CARS2: variants seen among roughly 807,000 people sequenced by gnomAD.
The protein encoded by CARS2 is cysteinyl-tRNA synthetase 2, mitochondrial.
Under a neutral mutation model 68.8 loss-of-function variants are expected in CARS2, and 52 were observed. The ratio of observed to expected loss-of-function variants is 0.76; its 90% CI spans 0.61 to 0.95. The LOEUF (loss-of-function observed/expected upper bound fraction) is 0.95. CARS2 is among the 40% of genes least tolerant of loss of function. CARS2 has a pLI of 0.00. For synonymous variants in CARS2, 314 were observed against 303.6 expected, an observed-to-expected ratio of 1.03 and a Z score of -0.36; for missense variants, 780 against 754.2, an observed-to-expected ratio of 1.03 and a Z score of -0.40.
intron 8 of CARS2, 59 bp downstream of exon 8, chr13:110,667,281 G>T: frequency 6.8e-7 from 1 of 1,479,336 alleles, no homozygotes; most frequent in South Asian, 1.3e-5. Context: ...CTGTTCCGCC[G>T]ACAAAGACAG....
At chr13:110,647,283 G>C in intron 10 of CARS2, 44 bp from the exon 11 acceptor site, 1 of 1,594,808 alleles carries the variant, frequency 6.3e-7, no homozygotes, top group South Asian at 1.1e-5. Context: ...CCACCATGCT[G>C]TGCCCCTGCC....
At chr13:110,667,645 A>T (rs538096627) in intron 7 of CARS2, among the ~76,000 whole-genome samples, 172 bp from the exon 8 acceptor site, 1 of 152,356 alleles carries the variant, frequency 6.6e-6, no homozygotes, top group African/African-American at 2.4e-5. Flanking sequence ...AAATCCTGTC[A>T]TCACAAGCCC....
intron 8 of CARS2, 100 bp downstream of exon 8, chr13:110,667,240 T>G (rs1298011489): frequency 8.4e-6 from 9 of 1,075,466 alleles, no homozygotes; most frequent in Middle Eastern, 2.1e-4. Flanking sequence ...CTTGACCTAT[T>G]AGCTGATCTA....
At chr13:110,648,104 C>T (rs1485786847) in intron 10 of CARS2, among the ~76,000 whole-genome samples, 5 of 152,212 alleles carry the variant, frequency 3.3e-5, no homozygotes, top group Non-Finnish European at 5.9e-5. Flanking sequence ...TGGCTTCAAG[C>T]TGGAAGCAAC....
intron 3 of CARS2, among the ~76,000 whole-genome samples, chr13:110,689,399 C>A (rs1373437043): frequency 6.6e-6 from 1 of 152,222 alleles, no homozygotes; most frequent in Non-Finnish European, 1.5e-5. Flanking sequence ...AAGCGCAACG[C>A]CACACGTGGG....
rs1361058754 is a variant in CARS2 at position 110,705,988 on chromosome 13, C to A, written c.106G>T (p.Gly36Trp). Reference protein sequence around the residue: ...WHWPAGRAASGGRGRAWLQPT... With the variant: ...WHWPAGRAASWGRGRAWLQPT... Reference sequence around the variant, plus strand: ...TGCAGCCAGGCCCGCCCGCGCCCCCCGCTCGCCGCCCGGCCCGCAGGCCAG... The same window carrying A: ...TGCAGCCAGGCCCGCCCGCGCCCCCAGCTCGCCGCCCGGCCCGCAGGCCAG... Residue 36 changes from glycine (G) to tryptophan (W), a missense_variant, in exon 1 of 15, where the codon GGG (glycine) becomes TGG (tryptophan). Transcript: ENST00000257347. The surrounding 1 kb of genome is among the most constrained non-coding windows in gnomAD (Gnocchi z 4.0). 2.7e-6 allele frequency: 4 copies of A among 1,504,260 alleles called. No individual in the cohort carries two copies. The highest frequency in any genetic ancestry group is 5.3e-5 in the East Asian group (2 of 37,542). 93.2% of individuals were successfully genotyped at this position (1,504,260 alleles called of 1,614,324 possible). A position where few individuals can be genotyped will look rare whatever the true frequency, so the allele number is the denominator to read the frequency against.
intron 10 of CARS2, among the ~76,000 whole-genome samples, chr13:110,650,052 T>C (rs1003896045): frequency 6.7e-6 from 1 of 149,454 alleles, no homozygotes; most frequent in African/African-American, 2.5e-5. Context: ...TTCTCCTGCC[T>C]CAGCCTCCTG....
chr13:110,664,086 A>G (rs1594285663), intron 8 of CARS2: 1 of 786,896 alleles, frequency 1.3e-6, no homozygotes, highest in East Asian at 1.4e-4. Context: ...AAACTCATTT[A>G]AGGAACTCCT....
intron 3 of CARS2, among the ~76,000 whole-genome samples, chr13:110,698,776 G>A (rs1490444994): frequency 4.6e-5 from 7 of 152,248 alleles, no homozygotes; most frequent in African/African-American, 1.7e-4. Context: ...GGCCGAGGCA[G>A]GAGGATTGCT....
At chr13:110,683,196 C>A (rs1208297249) in intron 5 of CARS2, 62 bp from the exon 6 acceptor site, 3 of 1,098,576 alleles carry the variant, frequency 2.7e-6, no homozygotes, top group Non-Finnish European at 3.9e-6. Context: ...ATATTGACAA[C>A]CTTAACATCT....
intron 7 of CARS2, among the ~76,000 whole-genome samples, chr13:110,671,094 T>C (rs985048135): frequency 6.6e-6 from 1 of 152,064 alleles, no homozygotes; most frequent in Non-Finnish European, 1.5e-5. Context: ...CTGATTGGTG[T>C]ACCTGAAAGT....
At chr13:110,695,364 T>A (rs1268704730) in intron 3 of CARS2, among the ~76,000 whole-genome samples, 1 of 152,192 alleles carries the variant, frequency 6.6e-6, no homozygotes, top group Non-Finnish European at 1.5e-5. Context: ...TTGTATTAGT[T>A]ATTAAAAGTA....
rs966016294 is a variant in CARS2, at chr13:110,653,284, C to A, written c.988-2184G>T. ...TTCATCAGTAATCACACTGGAATTC[C>A]ATTTCCGTCTGTCCATCTCCCGGGT... On this transcript the variant is annotated intron_variant, in intron 9 of 14. Coordinates refer to ENST00000257347, the MANE Select transcript of CARS2 (RefSeq NM_024537.4). The surrounding 1 kb of genome is among the most constrained non-coding windows in gnomAD (Gnocchi z 5.6). 3.9e-5 allele frequency among the ~76,000 whole-genome samples: 6 copies of A among 151,994 alleles called. No homozygotes were observed. Among genetic ancestry groups the A allele is most frequent in the African/African-American group, 1.5e-4 (6 of 41,362 alleles).
intron 10 of CARS2, among the ~76,000 whole-genome samples, chr13:110,649,934 T>C (rs962919143): frequency 4.2e-4 from 28 of 67,250 alleles, no homozygotes; most frequent in Middle Eastern, 0.016. Context: ...ATAACGACTT[T>C]TTTTTTTTTT....
intron 8 of CARS2, chr13:110,663,899 C>T (rs1594285220): frequency 9.8e-7 from 1 of 1,016,090 alleles, no homozygotes; most frequent in East Asian, 9.2e-5. Context: ...ACAAAGCTCT[C>T]ATTTGACAAA....
At chr13:110,677,982 C>T (rs1243063703) in intron 6 of CARS2, 1 of 152,540 alleles carries the variant, frequency 6.6e-6, no homozygotes, top group Non-Finnish European at 1.5e-5. Flanking sequence ...GGGCAGCACG[C>T]CCCAGGCTGT....
upstream of CARS2, among the ~76,000 whole-genome samples, chr13:110,711,210 CGTA>C (rs1470630193): frequency 6.8e-6 from 1 of 147,604 alleles, no homozygotes. Context: ...GTTATCTTGT[CGTA>C]GTCTTTTTTT....
chr13:110,693,151 C>G (rs1212901396), intron 3 of CARS2, among the ~76,000 whole-genome samples: 1 of 147,258 alleles, frequency 6.8e-6, no homozygotes, highest in Non-Finnish European at 1.5e-5. Flanking sequence ...TTATCTAGTT[C>G]AGAAAGAGAC....
At chr13:110,651,310 T>G (rs2062206950) in intron 9 of CARS2, 2 of 537,420 alleles carry the variant, frequency 3.7e-6, no homozygotes, top group Non-Finnish European at 6.6e-6. Flanking sequence ...TCAGTATTTG[T>G]GGAAAGAGCA....
Sources: gnomAD v4.1 joint callset for allele counts (sites outside exome capture counted in the v4.1 genomes callset) on GRCh38, gnomAD v4.1.1 for gene constraint, Gnocchi (gnomAD v3.1) non-coding constraint, MANE v1.5 for transcripts, NCBI Gene and HGNC (gene_info 2026-07-23, HGNC 2026-07-21) for gene names.